SEMA6A: variants seen among roughly 807,000 people sequenced by gnomAD.
SEMA6A encodes semaphorin 6A, also known as semaphorin-6A.
Under a neutral mutation model 96.8 loss-of-function variants are expected in SEMA6A, and 25 were observed. That is an observed-to-expected ratio of 0.26 (90% CI 0.19 to 0.36). The LOEUF is 0.36. Among genes scored for constraint, SEMA6A ranks in the 10% least tolerant of loss-of-function variants. SEMA6A has a pLI of 1.00. For missense variants in SEMA6A, 1,363 were observed against 1,323.1 expected (o/e 1.03, Z -0.47); for synonymous variants, 612 against 518.0 (o/e 1.18, Z -2.46).
intron 1 of SEMA6A, among the ~76,000 whole-genome samples, chr5:116,546,079 CTT>C (rs1760173737): frequency 6.6e-6 from 1 of 152,232 alleles, no homozygotes; most frequent in Non-Finnish European, 1.5e-5. Flanking sequence ...AGGGCAGAAT[CTT>C]TGTTTACCAG....
At chr5:116,467,932 G>GA in intron 17 of SEMA6A, 185 bp from the exon 18 acceptor site, 1 of 607,290 alleles carries the variant, frequency 1.6e-6, no homozygotes. Context: ...GTGTTCAGCA[G>GA]AAAGCCCATT....
intron 8 of SEMA6A, 32 bp downstream of exon 8, chr5:116,488,856 T>C (rs1386398991): frequency 6.5e-7 from 1 of 1,540,518 alleles, no homozygotes; most frequent in Non-Finnish European, 8.8e-7. Flanking sequence ...TCCCCTCCCC[T>C]CCGACCCTCC....
intron 1 of SEMA6A, among the ~76,000 whole-genome samples, chr5:116,524,886 CAAGG>C (rs1373823884): frequency 6.6e-6 from 1 of 151,038 alleles, no homozygotes; most frequent in East Asian, 2.0e-4. Flanking sequence ...GACAAGGAAA[CAAGG>C]AAACCATTTT....
Position 116,447,159 on chromosome 5 carries a change from T to C in SEMA6A, c.2547A>G (p.Thr849=), listed in dbSNP as rs1230493835. 1 of 1,613,824 alleles carries C rather than the reference T, an allele frequency of 6.2e-7. No homozygotes were observed. Among genetic ancestry groups the C allele is most frequent in the Non-Finnish European group, 8.5e-7 (1 of 1,179,866 alleles). ...AQMALEDQAA[T]LEYKTIKEHL... ...GTTCCTTGATGGTCTTATACTCCAG[T>C]GTGGCGGCCTGGTCCTCCAGCGCCA... The change falls in exon 19 of 19, where the codon ACA becomes ACG. Residue 849 remains threonine (T), a synonymous_variant. Coordinates refer to ENST00000343348, the MANE Select transcript of SEMA6A (RefSeq NM_020796.5).
At chr5:116,487,038 T>C (rs748673709) in intron 9 of SEMA6A, 72 bp from the exon 10 acceptor site, 110 of 1,091,010 alleles carry the variant, frequency 1.0e-4, no homozygotes, top group Non-Finnish European at 1.4e-4. Flanking sequence ...GAATCTGCAT[T>C]CCTTGAAAAC....
chr5:116,479,980 A>G (rs1337264476), intron 12 of SEMA6A, 142 bp downstream of exon 12: 4 of 928,062 alleles, frequency 4.3e-6, no homozygotes, highest in East Asian at 2.6e-5. Context: ...TATCCAACCA[A>G]TCGGCCACCA....
chr5:116,553,982 T>A (rs1167179839), intron 1 of SEMA6A, among the ~76,000 whole-genome samples: 1 of 152,208 alleles, frequency 6.6e-6, no homozygotes, highest in African/African-American at 2.4e-5. Flanking sequence ...GGATCGTTCT[T>A]AAATCTGTAT....
chr5:116,557,478 C>T (rs1760653053), intron 1 of SEMA6A, among the ~76,000 whole-genome samples: 1 of 152,220 alleles, frequency 6.6e-6, no homozygotes, highest in African/African-American at 2.4e-5. Flanking sequence ...TCGCAAAGTG[C>T]TTTTCTTAAT....
chr5:116,472,992 A>G, intron 17 of SEMA6A, 81 bp downstream of exon 17: 2 of 1,523,934 alleles, frequency 1.3e-6, no homozygotes, highest in Non-Finnish European at 1.8e-6. Context: ...AGATTTGAAC[A>G]TACTCAAGAG....
Position 116,502,195 on chromosome 5 carries a change from GA to G in SEMA6A, c.218+14del, listed in dbSNP as rs2112767123. The G allele has an allele frequency of 1.9e-6, 3 of 1,607,060 alleles. No homozygotes were observed. Among genetic ancestry groups the G allele is most frequent in the South Asian group, 2.2e-5 (2 of 90,938 alleles). ...TGGACACTCTCAAGGCAGACATGGG[GA>G]AAAGGCCCCTTACCTAGCAGCAATG... On this transcript the variant is annotated intron_variant, in intron 3 of 18. Coordinates refer to ENST00000343348, the MANE Select transcript of SEMA6A (RefSeq NM_020796.5).
chr5:116,489,094 C>G (rs757843998), intron 7 of SEMA6A, 87 bp from the exon 8 acceptor site: 59 of 1,382,084 alleles, frequency 4.3e-5, no homozygotes, highest in African/African-American at 5.8e-5. Flanking sequence ...AGATTGCTTT[C>G]CAACATCAGG....
chr5:116,516,218 T>C (rs1758662081), intron 1 of SEMA6A, among the ~76,000 whole-genome samples: 1 of 152,194 alleles, frequency 6.6e-6, no homozygotes, highest in Non-Finnish European at 1.5e-5. Flanking sequence ...ATCTGCTCCA[T>C]AACCAAGCAT....
chr5:116,495,396 C>T lies in SEMA6A; in HGVS notation c.444+17G>A, dbSNP rs32972. ...TGCCTCCTGGCAGTGTGGTTCCAAC[C>T]GACAAATAGCATTTACCTTATAGTT... On this transcript the variant is annotated intron_variant, in intron 6 of 18. Coordinates refer to ENST00000343348, the MANE Select transcript of SEMA6A (RefSeq NM_020796.5). 0.46 allele frequency: 723,533 copies of T among 1,578,170 alleles called. 167,813 individuals carry two copies. The highest frequency in any genetic ancestry group is 0.49 in the Middle Eastern group (2,927 of 5,994).
intron 1 of SEMA6A, among the ~76,000 whole-genome samples, chr5:116,514,812 A>G (rs1758590347): frequency 6.6e-6 from 1 of 152,216 alleles, no homozygotes; most frequent in Non-Finnish European, 1.5e-5. Flanking sequence ...CTCTGTGCTA[A>G]GATGCTGATG....
chr5:116,483,874 G>T (rs1402868970), intron 10 of SEMA6A, among the ~76,000 whole-genome samples: 1 of 152,028 alleles, frequency 6.6e-6, no homozygotes, highest in Non-Finnish European at 1.5e-5. Flanking sequence ...GACCAGAGTG[G>T]CCAACATGGT....
At chr5:116,495,930 A>C (rs1197507997) in intron 5 of SEMA6A, 3 of 340,144 alleles carry the variant, frequency 8.8e-6, no homozygotes, top group Non-Finnish European at 1.6e-5. Context: ...TCTTCCACAG[A>C]CTCCCTGTGG....
rs775929936 is a variant in SEMA6A at position 116,504,855 on chromosome 5, C to A, written c.90G>T (p.Ser30=). The A allele has an allele frequency of 6.3e-7, 1 of 1,597,906 alleles. No individual in the cohort carries two copies. The highest frequency in any genetic ancestry group is 1.7e-5 in the Admixed American group (1 of 58,140). Residue 30 remains serine (S), a synonymous_variant, in exon 2 of 19, where the codon TCG becomes TCT. Coordinates refer to ENST00000343348, the MANE Select transcript of SEMA6A (RefSeq NM_020796.5). ...FPEDSEPISI[S]HGNYTKQYPV... ...ACCATGGGTACTTACAGTTGCCATGCGAAATACTGATTGGCTCAGAATCTT... is the reference window on the plus strand; with the variant it reads ...ACCATGGGTACTTACAGTTGCCATGAGAAATACTGATTGGCTCAGAATCTT...
chr5:116,570,730 A>G (rs1037048775), intron 1 of SEMA6A, among the ~76,000 whole-genome samples: 3 of 152,250 alleles, frequency 2.0e-5, no homozygotes, highest in Non-Finnish European at 4.4e-5. Flanking sequence ...CTGAACCACA[A>G]TGTACACAGA....
At chr5:116,508,649 T>C (rs879398181) in intron 1 of SEMA6A, among the ~76,000 whole-genome samples, 2 of 152,074 alleles carry the variant, frequency 1.3e-5, no homozygotes, top group East Asian at 1.9e-4. Flanking sequence ...GAGGGAAAAA[T>C]AGGAGATTTA....
Sources: gnomAD v4.1 joint callset for allele counts (sites outside exome capture counted in the v4.1 genomes callset) on GRCh38, gnomAD v4.1.1 for gene constraint, MANE v1.5 for transcripts, NCBI Gene and HGNC (gene_info 2026-07-23, HGNC 2026-07-21) for gene names.